ROBO2: variants seen among roughly 807,000 people sequenced by gnomAD.
ROBO2 encodes the protein roundabout homolog 2.
In ROBO2, 53 loss-of-function variants were observed where a neutral mutation model predicts 160.8. That is an observed-to-expected ratio of 0.33 (90% CI 0.26 to 0.41). The LOEUF (loss-of-function observed/expected upper bound fraction) is 0.41. Among genes scored for constraint, ROBO2 ranks in the 10% least tolerant of loss-of-function variants. The pLI, the probability that ROBO2 is intolerant of heterozygous loss-of-function variation, is 1.00. For missense variants in ROBO2, 1,577 were observed against 1,722.4 expected (o/e 0.92, Z 1.49); for synonymous variants, 664 against 611.7 (o/e 1.09, Z -1.26).
chr3:76,476,321 G>A (rs1402946461), intron 2 of ROBO2, among the ~76,000 whole-genome samples: 1 of 151,970 alleles, frequency 6.6e-6, no homozygotes, highest in Non-Finnish European at 1.5e-5. Flanking sequence ...ATATTGTTGT[G>A]AATGATTCAG....
At chr3:77,211,210 G>T (rs1426730304) in intron 2 of ROBO2, among the ~76,000 whole-genome samples, 1 of 152,164 alleles carries the variant, frequency 6.6e-6, no homozygotes, top group Non-Finnish European at 1.5e-5. Context: ...CACCAACAGT[G>T]TAAAAGTGTT....
Position 76,951,562 on chromosome 3 carries a change from G to T in ROBO2, c.110-146452G>T, listed in dbSNP as rs190847532. On this transcript the variant is annotated intron_variant, in intron 2 of 26. Coordinates refer to the ROBO2 transcript ENST00000487694. ...TTACGTAAAGTTGAAAGAGAAAAAA[G>T]AAATATATTTTTAACTTCTTTCTGA... 1.7e-3 allele frequency among the ~76,000 whole-genome samples: 265 copies of T among 152,230 alleles called. 1 individual carries two copies. The highest frequency in any genetic ancestry group is 6.1e-3 in the African/African-American group (253 of 41,552).
At chr3:76,099,835 A>T (rs1296267987) in intron 2 of ROBO2, among the ~76,000 whole-genome samples, 2 of 152,200 alleles carry the variant, frequency 1.3e-5, no homozygotes, top group African/African-American at 4.8e-5. Context: ...GGCTAACGGC[A>T]AGTGCAGAAA....
At chr3:77,100,272 A>G (rs973938107) in intron 2 of ROBO2, among the ~76,000 whole-genome samples, 1 of 152,154 alleles carries the variant, frequency 6.6e-6, no homozygotes, top group African/African-American at 2.4e-5. Flanking sequence ...GAAGGCTTGC[A>G]AATTGGATTA....
chr3:76,875,538 C>T (rs1034945106), intron 2 of ROBO2, among the ~76,000 whole-genome samples: 3 of 152,126 alleles, frequency 2.0e-5, no homozygotes, highest in African/African-American at 7.2e-5. Context: ...TCTTGGAGAT[C>T]CTGACTGGAT....
intron 2 of ROBO2, among the ~76,000 whole-genome samples, chr3:76,094,380 C>T (rs2069356456): frequency 6.6e-6 from 1 of 152,168 alleles, no homozygotes; most frequent in African/African-American, 2.4e-5. Context: ...CAACACAGTG[C>T]CACTAAGAGA....
At chr3:76,327,987 C>CAT (rs1471633104) in intron 2 of ROBO2, among the ~76,000 whole-genome samples, 1 of 151,800 alleles carries the variant, frequency 6.6e-6, no homozygotes, top group Non-Finnish European at 1.5e-5. Flanking sequence ...AAAGGTTGCC[C>CAT]TAGATGGGTT....
intron 2 of ROBO2, among the ~76,000 whole-genome samples, chr3:77,239,141 C>T (rs2088558744): frequency 6.6e-6 from 1 of 152,128 alleles, no homozygotes; most frequent in Non-Finnish European, 1.5e-5. Flanking sequence ...CACGGACCCT[C>T]ACGGTGAGTG....
At chr3:76,243,243 T>A (rs535087103) in intron 2 of ROBO2, among the ~76,000 whole-genome samples, 1 of 152,172 alleles carries the variant, frequency 6.6e-6, no homozygotes, top group Non-Finnish European at 1.5e-5. Flanking sequence ...AACCCTGTGC[T>A]GCAGCTTCCA....
intron 2 of ROBO2, among the ~76,000 whole-genome samples, chr3:76,601,322 T>C (rs1232989990): frequency 1.3e-5 from 2 of 152,192 alleles, no homozygotes; most frequent in Non-Finnish European, 2.9e-5. Flanking sequence ...GGTGCCCCAG[T>C]AGGGACCCTG....
intron 2 of ROBO2, among the ~76,000 whole-genome samples, chr3:76,437,639 C>A (rs572497951): frequency 6.6e-6 from 1 of 152,204 alleles, no homozygotes; most frequent in Admixed American, 6.5e-5. Context: ...TACTTGTTAT[C>A]TTAAAAATTC....
At chr3:77,400,524 C>T (rs896551868) in intron 2 of ROBO2, among the ~76,000 whole-genome samples, 1 of 152,188 alleles carries the variant, frequency 6.6e-6, no homozygotes, top group Non-Finnish European at 1.5e-5. Context: ...AATTATCCAA[C>T]ACATTCGGTT....
chr3:77,327,818 G>C (rs2065569377), intron 2 of ROBO2, among the ~76,000 whole-genome samples: 1 of 152,054 alleles, frequency 6.6e-6, no homozygotes, highest in African/African-American at 2.4e-5. Context: ...GGGAGGCCGA[G>C]GTGGGTCGAT....
intron 2 of ROBO2, among the ~76,000 whole-genome samples, chr3:77,273,190 G>A (rs1439931129): frequency 2.0e-5 from 3 of 151,674 alleles, no homozygotes; most frequent in African/African-American, 7.3e-5. Context: ...TACTTTCCAC[G>A]TATAAGAAAA....
intron 2 of ROBO2, among the ~76,000 whole-genome samples, chr3:76,571,001 T>C (rs918641679): frequency 3.9e-5 from 6 of 152,156 alleles, no homozygotes; most frequent in African/African-American, 1.4e-4. Flanking sequence ...GTAATGAAGA[T>C]TAAAGAAGTC....
At chr3:76,453,834 A>G (rs892625654) in intron 2 of ROBO2, among the ~76,000 whole-genome samples, 3 of 152,142 alleles carry the variant, frequency 2.0e-5, no homozygotes, top group African/African-American at 4.8e-5. Flanking sequence ...GGTACTTGGT[A>G]GGAAATAGCT....
At position 76,703,235 on chromosome 3, in the gene ROBO2, G is replaced by A. The variant is rs185542532; in HGVS notation, c.110-394779G>A. Among the ~76,000 whole-genome samples the A allele has an allele frequency of 4.7e-4, 72 of 152,218 alleles. 1 individual carries two copies. Among genetic ancestry groups the A allele is most frequent in the Middle Eastern group, 3.4e-3 (1 of 294 alleles). On this transcript the variant is annotated intron_variant, in intron 2 of 26. Coordinates refer to the ROBO2 transcript ENST00000487694. ...CTTAATAATCAATGGAGGAAATTAT[G>A]ACTGCTCTATGACCTTTAAGGACTT...
chr3:76,349,742 CAGCAATAGTAGT>C (rs1559804620), intron 2 of ROBO2, among the ~76,000 whole-genome samples: 1 of 152,082 alleles, frequency 6.6e-6, no homozygotes, highest in East Asian at 1.9e-4. Flanking sequence ...TTATTACTCA[CAGCAATAGTAGT>C]AGCAGGGCCA....
At chr3:77,551,224 G>A (rs2092908975) in intron 8 of ROBO2, among the ~76,000 whole-genome samples, 1 of 151,976 alleles carries the variant, frequency 6.6e-6, no homozygotes, top group Non-Finnish European at 1.5e-5. Context: ...AAATAGAATA[G>A]TGCATTTTTT....
Sources: allele counts gnomAD v4.1 joint callset (sites outside exome capture counted in the v4.1 genomes callset), GRCh38; gene constraint gnomAD v4.1.1; transcripts MANE v1.5; gene names NCBI Gene and HGNC (gene_info 2026-07-23, HGNC 2026-07-21).